Variants in KCNC2 observed in about 807,000 individuals in gnomAD.
KCNC2 encodes voltage-gated potassium channel KCNC2.
Under a neutral mutation model 44.5 loss-of-function variants are expected in KCNC2, and 21 were observed. The observed-to-expected ratio is 0.47, with a 90% CI of 0.33 to 0.68. The LOEUF is 0.68. Ranked by LOEUF, KCNC2 falls within the 30% of genes least tolerant of loss-of-function variation. The pLI, the probability that KCNC2 is intolerant of heterozygous loss-of-function variation, is 0.01. For missense variants in KCNC2, 589 were observed against 826.2 expected (o/e 0.71, Z 3.52); for synonymous variants, 391 against 339.1 (o/e 1.15, Z -1.68).
chr12:75,145,766 G>A (rs1005610945), intron 2 of KCNC2, among the ~76,000 whole-genome samples: 2 of 151,982 alleles, frequency 1.3e-5, no homozygotes, highest in South Asian at 4.2e-4. Flanking sequence ...GTAGGGAAGA[G>A]AATTAACTGA....
At chr12:75,093,036 C>T (rs569353863) in intron 2 of KCNC2, among the ~76,000 whole-genome samples, 37 of 146,136 alleles carry the variant, frequency 2.5e-4, no homozygotes, top group African/African-American at 4.3e-4. Flanking sequence ...TTTAATCGTT[C>T]GAGTAGCTAT....
chr12:75,087,330 C>T (rs1471822456), intron 2 of KCNC2, among the ~76,000 whole-genome samples: 2 of 152,038 alleles, frequency 1.3e-5, no homozygotes, highest in Non-Finnish European at 2.9e-5. Flanking sequence ...TTAGTACATG[C>T]TACCTCTTCC....
At chr12:75,168,866 T>A (rs1202699605) in intron 2 of KCNC2, among the ~76,000 whole-genome samples, 1 of 151,498 alleles carries the variant, frequency 6.6e-6, no homozygotes, top group Non-Finnish European at 1.5e-5. Context: ...GAAGCAAAAT[T>A]TACTTGAACT....
At chr12:75,150,286 G>A (rs1028201099) in intron 2 of KCNC2, among the ~76,000 whole-genome samples, 6 of 151,700 alleles carry the variant, frequency 4.0e-5, no homozygotes, top group East Asian at 1.9e-4. Context: ...ACCCTCATCC[G>A]TTACACTAAC....
At chr12:75,067,804 A>C (rs1401497017) in intron 2 of KCNC2, among the ~76,000 whole-genome samples, 2 of 151,936 alleles carry the variant, frequency 1.3e-5, no homozygotes, top group Non-Finnish European at 2.9e-5. Flanking sequence ...TGTTTTCATA[A>C]TATATTATTA....
chr12:75,167,276 T>C (rs921445452), intron 2 of KCNC2, among the ~76,000 whole-genome samples: 6 of 151,388 alleles, frequency 4.0e-5, no homozygotes, highest in Non-Finnish European at 5.9e-5. Context: ...TTTTGTCATC[T>C]TGGTTTCTAT....
intron 2 of KCNC2, among the ~76,000 whole-genome samples, chr12:75,063,309 G>C (rs1882522509): frequency 6.6e-6 from 1 of 151,986 alleles, no homozygotes; most frequent in African/African-American, 2.4e-5. Flanking sequence ...CCTATGTTGA[G>C]TCTTGGATTG....
intron 1 of KCNC2, 118 bp from the exon 2 acceptor site, chr12:75,208,120 GC>G: frequency 8.6e-7 from 1 of 1,160,616 alleles, no homozygotes; most frequent in East Asian, 2.6e-5. Context: ...CAGGCACGGG[GC>G]AAAGACCCTC....
chr12:75,086,681 A>ATAT (rs1555208212), intron 2 of KCNC2, among the ~76,000 whole-genome samples: 1 of 54,208 alleles, frequency 1.8e-5, no homozygotes, highest in East Asian at 5.5e-4. Flanking sequence ...AAAAAAAAAA[A>ATAT]ATATATATAT....
intron 2 of KCNC2, among the ~76,000 whole-genome samples, chr12:75,183,368 T>C (rs1593048445): frequency 6.6e-6 from 1 of 152,150 alleles, no homozygotes; most frequent in African/African-American, 2.4e-5. Flanking sequence ...CTAAAACAAA[T>C]TGTAGTCTAT....
intron 2 of KCNC2, among the ~76,000 whole-genome samples, chr12:75,150,207 A>G (rs1212440799): frequency 2.0e-5 from 3 of 151,904 alleles, no homozygotes; most frequent in South Asian, 2.1e-4. Context: ...TTTATTCTCA[A>G]TAATTTGGAT....
At chr12:75,131,052 G>A (rs1443568476) in intron 2 of KCNC2, among the ~76,000 whole-genome samples, 2 of 152,190 alleles carry the variant, frequency 1.3e-5, no homozygotes, top group African/African-American at 4.8e-5. Context: ...AGTAGTCATG[G>A]TACTTTGCAA....
At chr12:75,130,564 A>C (rs1888765249) in intron 2 of KCNC2, among the ~76,000 whole-genome samples, 1 of 152,186 alleles carries the variant, frequency 6.6e-6, no homozygotes, top group African/African-American at 2.4e-5. Flanking sequence ...GCTCTGAATG[A>C]GGCTACAGAA....
chr12:75,116,322 C>G (rs2137264110), intron 2 of KCNC2, among the ~76,000 whole-genome samples: 1 of 152,094 alleles, frequency 6.6e-6, no homozygotes, highest in East Asian at 1.9e-4. Context: ...AAGAGAATAT[C>G]AGAAGAAAAT....
chr12:75,090,371 G>C (rs1459442817), intron 2 of KCNC2, among the ~76,000 whole-genome samples: 1 of 151,338 alleles, frequency 6.6e-6, no homozygotes, highest in Non-Finnish European at 1.5e-5. Context: ...TTTTACACCA[G>C]ATATTTTTTT....
rs1489784631 is a variant in KCNC2 at position 75,124,683 on chromosome 12, T to C, written c.688-73366A>G. 4 of 152,366 alleles carry C rather than the reference T, an allele frequency of 2.6e-5. No homozygotes were observed. The East Asian group carries it at 7.7e-4, about 29-fold the overall frequency. The allele number at this position is 152,366 out of a possible 1,614,324, so 9.4% of individuals were successfully genotyped here. Reference sequence around the variant, plus strand: ...TTTAAAATTTTTTTAAAAAATTTGCTTTCTTATTAGTGGTTATAACATTCT... The same window carrying C: ...TTTAAAATTTTTTTAAAAAATTTGCCTTCTTATTAGTGGTTATAACATTCT... On this transcript the variant is annotated intron_variant, in intron 2 of 4. Transcript: ENST00000549446.
intron 2 of KCNC2, among the ~76,000 whole-genome samples, chr12:75,137,818 C>A (rs2137382545): frequency 6.6e-6 from 1 of 152,278 alleles, no homozygotes; most frequent in African/African-American, 2.4e-5. Context: ...ATTCTTCAGC[C>A]TGGGAAGGAA....
intron 2 of KCNC2, among the ~76,000 whole-genome samples, chr12:75,195,764 T>C (rs2030707517): frequency 6.6e-6 from 1 of 152,112 alleles, no homozygotes; most frequent in African/African-American, 2.4e-5. Context: ...TTCAGAATGA[T>C]ATTGCCGATT....
In KCNC2 at chr12:75,164,556, G is replaced by A. The variant is rs551065386; in HGVS notation, c.687+42741C>T. Among the ~76,000 whole-genome samples, 87 of 151,700 alleles carry A rather than the reference G, an allele frequency of 5.7e-4. No individual in the cohort carries two copies. In the South Asian group the frequency reaches 0.017, roughly 29 times the overall value. ...CTTAATGCATTTGGGCACAAGTATC[G>A]ATCCTCAGCTGGAGTGCATTCCTCT... On this transcript the variant is annotated intron_variant, in intron 2 of 4. Coordinates refer to ENST00000549446, the MANE Select transcript of KCNC2 (RefSeq NM_139137.4).
Sources: gnomAD v4.1 joint callset for allele counts (sites outside exome capture counted in the v4.1 genomes callset) on GRCh38, gnomAD v4.1.1 for gene constraint, MANE v1.5 for transcripts, NCBI Gene and HGNC (gene_info 2026-07-23, HGNC 2026-07-21) for gene names.